MYCBP2: variants seen among roughly 807,000 people sequenced by gnomAD.
MYCBP2 encodes the protein E3 ubiquitin-protein ligase MYCBP2.
Under a neutral mutation model 525.3 loss-of-function variants are expected in MYCBP2, and 120 were observed. That is an observed-to-expected ratio of 0.23 (90% CI 0.20 to 0.27). The LOEUF is 0.27. Among genes scored for constraint, MYCBP2 ranks in the 10% least tolerant of loss-of-function variants. MYCBP2 has a pLI of 1.00. For synonymous variants in MYCBP2, 1,894 were observed against 1,955.8 expected (o/e 0.97, Z 0.83); for missense variants, 4,149 against 5,657.1 (o/e 0.73, Z 8.55).
chr13:77,119,564 C>A (rs1375839169), intron 55 of MYCBP2, among the ~76,000 whole-genome samples: 1 of 151,936 alleles, frequency 6.6e-6, no homozygotes. Flanking sequence ...TTACAAAAAA[C>A]AGCTCTTCGA....
In MYCBP2 at chr13:77,288,346, G is replaced by T. The variant is rs2011740576; in HGVS notation, c.409C>A (p.Pro137Thr). 1 of 1,613,684 alleles carries T rather than the reference G, an allele frequency of 6.2e-7. No homozygotes were observed. The highest frequency in any genetic ancestry group is 8.5e-7 in the Non-Finnish European group (1 of 1,179,632). Residue 137 changes from proline to threonine, a missense_variant, in exon 3 of 83, where the codon CCA becomes ACA. By Grantham distance (38) the Pro-to-Thr change is conservative (BLOSUM62 -1). Coordinates refer to ENST00000544440, the MANE Select transcript of MYCBP2 (RefSeq NM_015057.5). ...GGATTGCTATGTAGTTTGATATCTGGTATGATTACTGTATTCTCTAAGTTT... is the reference window on the plus strand; with the variant it reads ...GGATTGCTATGTAGTTTGATATCTGTTATGATTACTGTATTCTCTAAGTTT... ...SENLENTVII[P>T]DIKLHSNPSA...
At chr13:77,102,171 T>A (rs561194573) in intron 55 of MYCBP2, among the ~76,000 whole-genome samples, 1 of 151,870 alleles carries the variant, frequency 6.6e-6, no homozygotes, top group Admixed American at 6.6e-5. Flanking sequence ...AGGATCATAC[T>A]ATATCATAAT....
At chr13:77,199,172 C>G (rs1593774239) in intron 26 of MYCBP2, among the ~76,000 whole-genome samples, 2 of 152,340 alleles carry the variant, frequency 1.3e-5, no homozygotes, top group Non-Finnish European at 1.5e-5. Context: ...GGGAGCAGGA[C>G]AGTGGGTGTG....
chr13:77,158,022 G>C lies in MYCBP2; in HGVS notation c.6685C>G (p.Pro2229Ala), dbSNP rs141111402. ...TILEALEGNL[P>A]LQIQSNEQSF... is the part of the protein sequence containing the mutation. Reference sequence around the variant, plus strand: ...TGTTCATTGCTTTGGATTTGGAGTGGTAAATTTCCCTCAAGTGCTTCTAAT... The same window carrying C: ...TGTTCATTGCTTTGGATTTGGAGTGCTAAATTTCCCTCAAGTGCTTCTAAT... The change falls in exon 45 of 83, where the codon CCA becomes GCA. Residue 2229 changes from proline (P) to alanine (A), a missense_variant. Around this residue, in one of 21 missense-constraint regions of MYCBP2, gnomAD observed 692 missense variants for 852.7 expected, o/e 0.81. Transcript: ENST00000544440. 2.3e-5 allele frequency: 37 copies of C among 1,613,522 alleles called. No homozygotes were observed. The highest frequency in any genetic ancestry group is 3.1e-5 in the Non-Finnish European group (37 of 1,179,624).
rs185596666 is a variant in MYCBP2, at chr13:77,276,669, T to A, written c.748+2089A>T. 8.7e-3 allele frequency among the ~76,000 whole-genome samples: 1,320 copies of A among 152,042 alleles called. 20 individuals carry two copies. Among genetic ancestry groups the A allele is most frequent in the African/African-American group, 0.03 (1,229 of 41,486 alleles). ...GGTTTTGTGGGATTTTTTGGGGGTTTTTTTTTTGGTAGAGATGAGGTCTCA... is the reference window on the plus strand; with the variant it reads ...GGTTTTGTGGGATTTTTTGGGGGTTATTTTTTTGGTAGAGATGAGGTCTCA... On this transcript the variant is annotated intron_variant, in intron 4 of 82. Transcript: ENST00000544440.
At chr13:77,323,727 TGATGTTTACA>T (rs1198271959) in intron 1 of MYCBP2, among the ~76,000 whole-genome samples, 5 of 152,212 alleles carry the variant, frequency 3.3e-5, no homozygotes, top group Non-Finnish European at 5.9e-5. Context: ...AGCAGGCACT[TGATGTTTACA>T]GAATTCATGC....
intron 76 of MYCBP2, 75 bp downstream of exon 76, chr13:77,061,094 C>T (rs2039211730): frequency 7.0e-7 from 1 of 1,427,984 alleles, no homozygotes. Flanking sequence ...AAATTATTCA[C>T]AGTTTAATCA....
intron 55 of MYCBP2, chr13:77,121,086 A>G: frequency 5.3e-6 from 1 of 187,158 alleles, no homozygotes; most frequent in Non-Finnish European, 1.1e-5. Flanking sequence ...AGATTTAGTG[A>G]AATAGAATCT....
chr13:77,171,211 AAAG>A (rs1426458746), intron 38 of MYCBP2, among the ~76,000 whole-genome samples: 2 of 152,200 alleles, frequency 1.3e-5, no homozygotes, highest in East Asian at 3.8e-4. Flanking sequence ...TTGATTACTA[AAAG>A]AAGAATAAAG....
intron 4 of MYCBP2, among the ~76,000 whole-genome samples, chr13:77,276,130 G>C (rs952434081): frequency 1.3e-5 from 2 of 152,084 alleles, no homozygotes; most frequent in African/African-American, 4.8e-5. Flanking sequence ...ATAACAAAGG[G>C]GGTGCTATTA....
At position 77,326,754 on chromosome 13, in the gene MYCBP2, C is replaced by A. The variant is rs1316325068; in HGVS notation, c.22G>T (p.Ala8Ser). 39 of 1,414,808 alleles carry A rather than the reference C, an allele frequency of 2.8e-5. No homozygotes were observed. The highest frequency in any genetic ancestry group is 2.5e-4 in the Middle Eastern group (1 of 3,954). The allele number at this position is 1,414,808 out of a possible 1,614,324, so 87.6% of individuals were successfully genotyped here. Reference sequence around the variant, plus strand: ...CCCGAGGAGGCGGCGGCGGGGGAGGCAGTCGCTGCGCACATCATCATCCTC... The same window carrying A: ...CCCGAGGAGGCGGCGGCGGGGGAGGAAGTCGCTGCGCACATCATCATCCTC... MMMCAATASPAAASSGLG... is the reference protein window; with the variant it reads MMMCAATSSPAAASSGLG... Residue 8 changes from alanine to serine, a missense_variant, in exon 1 of 83, where the codon GCC becomes TCC. Transcript: ENST00000544440. This position sits in a 1 kb window ranked among gnomAD's most constrained non-coding sequence, Gnocchi z 4.2.
chr13:77,257,236 G>T (rs989248965), intron 14 of MYCBP2, among the ~76,000 whole-genome samples: 1 of 152,128 alleles, frequency 6.6e-6, no homozygotes, highest in Non-Finnish European at 1.5e-5. Context: ...TAGAGACTGG[G>T]AAGGGTAGTC....
At chr13:77,173,558 A>T (rs1467106101) in intron 37 of MYCBP2, among the ~76,000 whole-genome samples, 1 of 152,194 alleles carries the variant, frequency 6.6e-6, no homozygotes. Flanking sequence ...ATTTTATACT[A>T]TCTACGTAGG....
chr13:77,326,046 G>A lies in MYCBP2; in HGVS notation c.302+428C>T, dbSNP rs1416928580. ...GGCGGCACGTGCAAATAACATTGCGGCAGAGACACTGAAAACGCCACTTCC... is the reference window on the plus strand; with the variant it reads ...GGCGGCACGTGCAAATAACATTGCGACAGAGACACTGAAAACGCCACTTCC... On this transcript the variant is annotated intron_variant, in intron 1 of 82. Transcript: ENST00000544440. This position sits in a 1 kb window ranked among gnomAD's most constrained non-coding sequence, Gnocchi z 4.2. 1.3e-5 allele frequency among the ~76,000 whole-genome samples: 2 copies of A among 151,990 alleles called. No homozygotes were observed.
chr13:77,313,665 A>G (rs1252311777), intron 1 of MYCBP2, among the ~76,000 whole-genome samples: 1 of 152,124 alleles, frequency 6.6e-6, no homozygotes, highest in African/African-American at 2.4e-5. Flanking sequence ...TGCCAAGAGA[A>G]CGAGAAGACA....
At chr13:77,108,937 C>T (rs907915065) in intron 55 of MYCBP2, among the ~76,000 whole-genome samples, 1 of 152,088 alleles carries the variant, frequency 6.6e-6, no homozygotes, top group African/African-American at 2.4e-5. Context: ...TCGTGATTCA[C>T]CCGCCTCATC....
intron 1 of MYCBP2, among the ~76,000 whole-genome samples, chr13:77,307,709 G>A (rs939739736): frequency 4.1e-5 from 6 of 146,412 alleles, no homozygotes; most frequent in African/African-American, 1.3e-4. Context: ...GCAAGTCTAT[G>A]AGACTTCTCA....
At chr13:77,111,557 T>C (rs1293173781) in intron 55 of MYCBP2, among the ~76,000 whole-genome samples, 1 of 150,190 alleles carries the variant, frequency 6.7e-6, no homozygotes, top group African/African-American at 2.4e-5. Context: ...GCCAGGAATA[T>C]AGGTGCAGCC....
At chr13:77,316,718 A>G (rs2080987704) in intron 1 of MYCBP2, among the ~76,000 whole-genome samples, 1 of 152,160 alleles carries the variant, frequency 6.6e-6, no homozygotes, top group South Asian at 2.1e-4. Flanking sequence ...GCCATTCTAG[A>G]TTCCTTTAAT....
Sources: allele counts gnomAD v4.1 joint callset (sites outside exome capture counted in the v4.1 genomes callset), GRCh38; gene constraint gnomAD v4.1.1; regional missense constraint gnomAD v4.1.1; non-coding constraint Gnocchi (gnomAD v3.1); transcripts MANE v1.5; gene names NCBI Gene and HGNC (gene_info 2026-07-23, HGNC 2026-07-21).